EVC2: variants seen among roughly 807,000 people sequenced by gnomAD.
EVC2 encodes the protein limbin.
In EVC2, 148 loss-of-function variants were observed where a neutral mutation model predicts 149.3. That is an observed-to-expected ratio of 0.99 (90% confidence interval 0.87 to 1.14). EVC2 has a LOEUF of 1.14. EVC2 is among the 50% of genes most tolerant of loss of function. The pLI is 0.00. For missense variants in EVC2, 1,854 were observed against 1,627.3 expected (o/e 1.14, Z -2.40); for synonymous variants, 776 against 649.9 (o/e 1.19, Z -2.95).
At chr4:5,578,497 A>G (rs1723066319) in intron 17 of EVC2, among the ~76,000 whole-genome samples, 3 of 152,222 alleles carry the variant, frequency 2.0e-5, no homozygotes, top group Admixed American at 2.0e-4. Flanking sequence ...TCCTGAAATC[A>G]CAGAGCTGGG....
chr4:5,701,107 C>T (rs553824175), intron 1 of EVC2, among the ~76,000 whole-genome samples: 98 of 152,288 alleles, frequency 6.4e-4, no homozygotes, highest in African/African-American at 2.3e-3. Flanking sequence ...GAGACTGCTG[C>T]GTTCCTTAAG....
intron 4 of EVC2, among the ~76,000 whole-genome samples, chr4:5,690,805 G>C (rs1252833905): frequency 6.6e-6 from 1 of 152,110 alleles, no homozygotes; most frequent in African/African-American, 2.4e-5. Flanking sequence ...AACTGTAACT[G>C]AGCAGAATGG....
At chr4:5,577,699 C>G (rs1424700476) in intron 17 of EVC2, among the ~76,000 whole-genome samples, 1 of 152,140 alleles carries the variant, frequency 6.6e-6, no homozygotes, top group East Asian at 1.9e-4. Context: ...GCATGGACAC[C>G]ATCGCACGGA....
intron 5 of EVC2, among the ~76,000 whole-genome samples, chr4:5,688,701 G>A (rs2151731152): frequency 6.6e-6 from 1 of 152,140 alleles, no homozygotes; most frequent in East Asian, 1.9e-4. Flanking sequence ...GAACACACCT[G>A]GACAGCTCAA....
the EVC2 span, among the ~76,000 whole-genome samples, chr4:5,530,093 G>A: frequency 5.9e-5 from 9 of 152,218 alleles, no homozygotes; most frequent in Non-Finnish European, 1.2e-4. Context: ...GATTACAGGT[G>A]TGAGTCACCA....
chr4:5,549,158 T>C (rs562868749), intron 21 of EVC2, among the ~76,000 whole-genome samples: 92 of 152,208 alleles, frequency 6.0e-4, no homozygotes, highest in Non-Finnish European at 1.2e-3. Flanking sequence ...AACCTACAAT[T>C]TTTATATTAA....
chr4:5,586,354 T>A (rs746759490), intron 16 of EVC2, among the ~76,000 whole-genome samples: 2 of 152,142 alleles, frequency 1.3e-5, no homozygotes, highest in Non-Finnish European at 2.9e-5. Context: ...GTACCTTCAA[T>A]TGATATTATA....
chr4:5,627,849 G>A (rs1716229404), intron 12 of EVC2, among the ~76,000 whole-genome samples: 1 of 152,134 alleles, frequency 6.6e-6, no homozygotes, highest in Non-Finnish European at 1.5e-5. Context: ...ATCTTAAAGA[G>A]AAGTGGGCTC....
chr4:5,698,562 C>G (rs543680228), intron 1 of EVC2, among the ~76,000 whole-genome samples: 9 of 152,314 alleles, frequency 5.9e-5, no homozygotes, highest in African/African-American at 2.2e-4. Flanking sequence ...TCACTGGGCT[C>G]TAGAAAGACT....
the EVC2 span, among the ~76,000 whole-genome samples, chr4:5,536,931 G>C: frequency 1.3e-5 from 2 of 152,192 alleles, no homozygotes; most frequent in African/African-American, 2.4e-5. Flanking sequence ...AATTGTATGA[G>C]AAGATGATAT....
At chr4:5,676,999 T>A (rs1394775530) in intron 7 of EVC2, among the ~76,000 whole-genome samples, 1 of 152,160 alleles carries the variant, frequency 6.6e-6, no homozygotes, top group Non-Finnish European at 1.5e-5. Flanking sequence ...CCGTGGGCAT[T>A]GGGGCATGAG....
At chr4:5,583,497 G>C (rs1275004771) in intron 17 of EVC2, among the ~76,000 whole-genome samples, 1 of 152,144 alleles carries the variant, frequency 6.6e-6, no homozygotes, top group African/African-American at 2.4e-5. Context: ...TGTGTGGTTT[G>C]GAAGATTTTA....
At chr4:5,706,838 A>T (rs1485349441) in intron 1 of EVC2, among the ~76,000 whole-genome samples, 2 of 152,100 alleles carry the variant, frequency 1.3e-5, no homozygotes, top group Non-Finnish European at 2.9e-5. Context: ...GCACCTGAAT[A>T]CAGGTGCTCA....
intron 9 of EVC2, among the ~76,000 whole-genome samples, chr4:5,648,956 C>T (rs1577205415): frequency 1.3e-5 from 2 of 152,290 alleles, no homozygotes; most frequent in South Asian, 4.2e-4. Flanking sequence ...TCTTCATTTC[C>T]ATACAGGATC....
intron 17 of EVC2, among the ~76,000 whole-genome samples, chr4:5,577,649 C>A (rs958504594): frequency 6.6e-6 from 1 of 152,140 alleles, no homozygotes; most frequent in Non-Finnish European, 1.5e-5. Context: ...AGAACCATGA[C>A]AGAAGAAAAT....
Position 5,604,554 on chromosome 4 carries a change from G to A in EVC2, c.2829+10868C>T, listed in dbSNP as rs184001287. On this transcript the variant is annotated intron_variant, in intron 16 of 21. Coordinates refer to ENST00000344408, the MANE Select transcript of EVC2 (RefSeq NM_147127.5). The stretch of plus-strand genomic sequence containing the variant: ...ATAGTTACCACAGGTGGGGAAGGTT[G>A]TGGGGGAGACAAAAGAGGCTGGTTA... Among the ~76,000 whole-genome samples the A allele has an allele frequency of 2.1e-3, 319 of 152,300 alleles. 2 individuals are homozygous for A. Among genetic ancestry groups the A allele is most frequent in the African/African-American group, 7.3e-3 (304 of 41,568 alleles).
At chr4:5,701,712 C>G (rs1020789478) in intron 1 of EVC2, among the ~76,000 whole-genome samples, 1 of 152,192 alleles carries the variant, frequency 6.6e-6, no homozygotes, top group Non-Finnish European at 1.5e-5. Context: ...ACTTGAATGC[C>G]TAAGAGACAT....
intron 9 of EVC2, among the ~76,000 whole-genome samples, chr4:5,654,118 G>A (rs1056294467): frequency 6.6e-5 from 10 of 152,214 alleles, no homozygotes; most frequent in African/African-American, 1.2e-4. Context: ...GGAGGCTGAG[G>A]CAGGAGAATC....
chr4:5,595,569 C>T (rs932958476), intron 16 of EVC2, among the ~76,000 whole-genome samples: 11 of 152,076 alleles, frequency 7.2e-5, no homozygotes, highest in Non-Finnish European at 1.0e-4. Flanking sequence ...CTGAAGGAAG[C>T]GCTAAACATG....
Sources: allele counts gnomAD v4.1 joint callset (sites outside exome capture counted in the v4.1 genomes callset), GRCh38; gene constraint gnomAD v4.1.1; transcripts MANE v1.5; gene names NCBI Gene and HGNC (gene_info 2026-07-23, HGNC 2026-07-21).